DGKI: variants seen among roughly 807,000 people sequenced by gnomAD.
DGKI encodes the protein diacylglycerol kinase iota.
In DGKI, 55 loss-of-function variants were observed where a neutral mutation model predicts 147.5. The ratio of observed to expected loss-of-function variants is 0.37; its 90% CI spans 0.30 to 0.47. DGKI has a LOEUF of 0.47. DGKI is among the 20% of genes least tolerant of loss of function. DGKI has a pLI of 1.00. For synonymous variants in DGKI, 469 were observed against 477.1 expected (o/e 0.98, Z 0.22); for missense variants, 1,007 against 1,323.8 (o/e 0.76, Z 3.71).
At chr7:137,743,118 C>G (rs187172915) in intron 1 of DGKI, among the ~76,000 whole-genome samples, 1 of 152,120 alleles carries the variant, frequency 6.6e-6, no homozygotes, top group African/African-American at 2.4e-5. Flanking sequence ...ATTGGAGGAC[C>G]CAGATTTATA....
chr7:137,528,803 G>T (rs1246983031), intron 20 of DGKI, among the ~76,000 whole-genome samples: 1 of 152,180 alleles, frequency 6.6e-6, no homozygotes, highest in Non-Finnish European at 1.5e-5. Context: ...GCTAATGGAA[G>T]TGGCTTAGTC....
chr7:137,517,222 AG>A (rs1816776138), intron 21 of DGKI, among the ~76,000 whole-genome samples: 1 of 139,034 alleles, frequency 7.2e-6, no homozygotes, highest in Admixed American at 7.2e-5. Flanking sequence ...AGAAAAGAAA[AG>A]AAAAAGAAAG....
intron 3 of DGKI, among the ~76,000 whole-genome samples, chr7:137,668,587 G>T (rs893916096): frequency 6.6e-6 from 1 of 152,176 alleles, no homozygotes; most frequent in African/African-American, 2.4e-5. Flanking sequence ...TCCTCAGTGT[G>T]GGGAATACAG....
At chr7:137,590,656 G>A (rs1040340595) in intron 12 of DGKI, among the ~76,000 whole-genome samples, 2 of 152,138 alleles carry the variant, frequency 1.3e-5, no homozygotes, top group African/African-American at 4.8e-5. Context: ...TCTGAAGTAC[G>A]TGACGTATCC....
chr7:137,746,090 C>T (rs980241619), intron 1 of DGKI, among the ~76,000 whole-genome samples: 3 of 152,134 alleles, frequency 2.0e-5, no homozygotes, highest in African/African-American at 7.2e-5. Flanking sequence ...GAATTGGCTG[C>T]ACTAACAGAA....
chr7:137,515,353 TCTTGAAATAGTACTAGAAATA>T (rs541266457), intron 21 of DGKI, among the ~76,000 whole-genome samples: 244 of 152,292 alleles, frequency 1.6e-3, no homozygotes, highest in African/African-American at 5.8e-3. Flanking sequence ...CTTTTCTGTA[TCTTGAAATAGTACTAGAAATA>T]CTTGAAATAG....
chr7:137,794,668 T>C (rs1437780556), intron 1 of DGKI, among the ~76,000 whole-genome samples: 1 of 152,210 alleles, frequency 6.6e-6, no homozygotes, highest in Non-Finnish European at 1.5e-5. Context: ...GGATAGCAAG[T>C]GTATCTCAAG....
intron 7 of DGKI, among the ~76,000 whole-genome samples, chr7:137,622,338 G>A (rs1347033565): frequency 1.3e-5 from 2 of 152,194 alleles, no homozygotes; most frequent in African/African-American, 4.8e-5. Flanking sequence ...CGTGATGTGT[G>A]TAGTGGCAGG....
intron 1 of DGKI, among the ~76,000 whole-genome samples, chr7:137,733,689 A>G (rs1400552111): frequency 6.6e-6 from 1 of 152,142 alleles, no homozygotes; most frequent in African/African-American, 2.4e-5. Flanking sequence ...ACAATGAACA[A>G]TAAGTAAATC....
intron 29 of DGKI, among the ~76,000 whole-genome samples, chr7:137,409,072 T>C (rs918897692): frequency 6.6e-6 from 1 of 152,164 alleles, no homozygotes; most frequent in Non-Finnish European, 1.5e-5. Flanking sequence ...GTTAATAATA[T>C]ATTAAATAGT....
At chr7:137,841,204 G>A (rs933368108) in intron 1 of DGKI, among the ~76,000 whole-genome samples, 1 of 152,224 alleles carries the variant, frequency 6.6e-6, no homozygotes, top group Non-Finnish European at 1.5e-5. Context: ...GGACGCTTTT[G>A]AGCTCATACC....
chr7:137,619,990 G>T, intron 7 of DGKI, 50 bp from the exon 8 acceptor site: 1 of 1,197,378 alleles, frequency 8.4e-7, no homozygotes, highest in Non-Finnish European at 1.2e-6. Context: ...GAGTAATGCT[G>T]CAGCAAGAAG....
intron 1 of DGKI, among the ~76,000 whole-genome samples, chr7:137,754,550 C>A (rs567117447): frequency 6.6e-5 from 10 of 152,300 alleles, no homozygotes; most frequent in Non-Finnish European, 1.2e-4. Context: ...TGTCACTGTG[C>A]GACCTCTGCC....
chr7:137,411,777 A>G (rs2128901054), intron 29 of DGKI, among the ~76,000 whole-genome samples: 1 of 152,340 alleles, frequency 6.6e-6, no homozygotes, highest in African/African-American at 2.4e-5. Flanking sequence ...TATGATCCCC[A>G]AAGTATAAAA....
At chr7:137,510,444 C>G (rs1424778703) in intron 21 of DGKI, among the ~76,000 whole-genome samples, 2 of 152,204 alleles carry the variant, frequency 1.3e-5, no homozygotes, top group Admixed American at 6.5e-5. Flanking sequence ...AGAACCACTA[C>G]TGATATTTAC....
intron 2 of DGKI, among the ~76,000 whole-genome samples, chr7:137,687,654 G>A (rs1823465204): frequency 6.6e-6 from 1 of 152,170 alleles, no homozygotes; most frequent in Non-Finnish European, 1.5e-5. Flanking sequence ...GTAGTGTGTT[G>A]GTCACGGTTT....
In DGKI at chr7:137,550,174, T is replaced by C. The variant is rs1269163398; in HGVS notation, c.2147+2195A>G. On this transcript the variant is annotated intron_variant, in intron 20 of 32. Coordinates refer to ENST00000614521, the MANE Select transcript of DGKI (RefSeq NM_001321708.2). ...GTTGTTGTTGTTGTTTGAGTTTTTT[T>C]TTTTTTTTTCAGACAGAGTCTCGCT... Among the ~76,000 whole-genome samples, 628 of 151,048 alleles carry C rather than the reference T, an allele frequency of 4.2e-3. 3 individuals are homozygous for C. Among genetic ancestry groups the C allele is most frequent in the African/African-American group, 0.015 (610 of 41,050 alleles).
intron 21 of DGKI, among the ~76,000 whole-genome samples, chr7:137,511,324 T>C (rs1816572210): frequency 6.6e-6 from 1 of 152,262 alleles, no homozygotes; most frequent in African/African-American, 2.4e-5. Flanking sequence ...GGTGGCTTTA[T>C]ATTCAGGTTT....
intron 3 of DGKI, among the ~76,000 whole-genome samples, chr7:137,664,651 AC>A (rs1302275111): frequency 6.6e-6 from 1 of 152,086 alleles, no homozygotes; most frequent in Non-Finnish European, 1.5e-5. Flanking sequence ...GGTTAGTTAA[AC>A]CTTGGAATAT....
Sources: gnomAD v4.1 joint callset for allele counts (sites outside exome capture counted in the v4.1 genomes callset) on GRCh38, gnomAD v4.1.1 for gene constraint, MANE v1.5 for transcripts, NCBI Gene and HGNC (gene_info 2026-07-23, HGNC 2026-07-21) for gene names.